TBRG1: variants seen among roughly 807,000 people sequenced by gnomAD.
TBRG1 encodes nuclear interactor of ARF and MDM2.
TBRG1 carries 31 observed loss-of-function variants against 44.0 expected under a neutral mutation model. The observed-to-expected ratio is 0.70, with a 90% CI of 0.53 to 0.95. The LOEUF (loss-of-function observed/expected upper bound fraction) is 0.95, where lower values mean the gene tolerates loss of function less well. TBRG1 is among the 40% of genes least tolerant of loss of function. The pLI is 0.00. For missense variants in TBRG1, 487 were observed against 496.1 expected, an observed-to-expected ratio of 0.98 and a Z score of 0.18; for synonymous variants, 171 against 188.1, an observed-to-expected ratio of 0.91 and a Z score of 0.74.
Position 124,626,973 on chromosome 11 carries a change from A to G in TBRG1, c.661A>G (p.Ile221Val), listed in dbSNP as rs1942490874. The G allele has an allele frequency of 6.3e-7, 1 of 1,593,652 alleles. No individual in the cohort carries two copies. The highest frequency in any genetic ancestry group is 8.6e-7 in the Non-Finnish European group (1 of 1,168,828). Residue 221 changes from isoleucine to valine, a missense_variant, in exon 5 of 9, where the codon ATA becomes GTA. Physicochemically the swap from Ile to Val is conservative, Grantham distance 29. Coordinates refer to ENST00000441174, the MANE Select transcript of TBRG1 (RefSeq NM_032811.3). ...CCCCGTGGGCTATTGCAGTACTCGA[A>G]TATATGCCAGCATGAAGTGCCCAGA... ...IYPVGYCSTR[I>V]YASMKCPDQK...
Position 124,630,968 on chromosome 11 carries a change from C to T in TBRG1, c.947+113C>T, listed in dbSNP as rs770614647. 77 of 826,132 alleles carry T rather than the reference C, an allele frequency of 9.3e-5. 1 individual carries two copies. Among genetic ancestry groups the T allele is most frequent in the Non-Finnish European group, 2.0e-6 (1 of 506,068 alleles). The allele number at this position is 826,132 out of a possible 1,614,324, so 51.2% of individuals were successfully genotyped here. ...CTGTGTCCAAAGCCTGCCTGCTTCTCGACCAGTAGGGCTCAGTATTGGCCC... is the reference window on the plus strand; with the variant it reads ...CTGTGTCCAAAGCCTGCCTGCTTCTTGACCAGTAGGGCTCAGTATTGGCCC... On this transcript the variant is annotated intron_variant, in intron 7 of 8. Transcript: ENST00000441174.
rs749876670 is a variant in TBRG1, at chr11:124,630,372, C to T, written c.739-16C>T. 1.4e-5 allele frequency: 22 copies of T among 1,551,450 alleles called. No individual in the cohort carries two copies. In the East Asian group the frequency reaches 2.5e-4, roughly 17 times the overall value. ...CTTCTTGAGGATTGATCTCATTGCT[C>T]GTTTGTCTTTCTCAGTTTGAAATTG... On this transcript the variant is annotated splice_polypyrimidine_tract_variant and intron_variant, in intron 5 of 8. Coordinates refer to ENST00000441174, the MANE Select transcript of TBRG1 (RefSeq NM_032811.3).
At chr11:124,630,606 T>C (rs1170725137) in intron 6 of TBRG1, 121 bp downstream of exon 6, 1 of 1,024,964 alleles carries the variant, frequency 9.8e-7, no homozygotes, top group Non-Finnish European at 1.5e-6. Context: ...TGGATCCTCC[T>C]GACATTGTGC....
At chr11:124,626,711 C>A (rs1295004875) in intron 4 of TBRG1, 102 bp downstream of exon 4, 4 of 1,444,322 alleles carry the variant, frequency 2.8e-6, no homozygotes. Flanking sequence ...TCTTGCTGAT[C>A]CATACCAACC....
chr11:124,627,153 C>A, intron 5 of TBRG1, 103 bp downstream of exon 5: 2 of 843,468 alleles, frequency 2.4e-6, no homozygotes, highest in Non-Finnish European at 3.8e-6. Context: ...TGTATAATCA[C>A]CATTTGGGTA....
At position 124,624,944 on chromosome 11, in the gene TBRG1, TTTGTGA is replaced by T; in HGVS notation, c.166_171del (p.Cys56_Asp57del). On this transcript the variant is annotated inframe_deletion, in exon 2 of 9. Coordinates refer to ENST00000441174, the MANE Select transcript of TBRG1 (RefSeq NM_032811.3). ...TTTTACTTAAAGGAAAATGCTGCTA[TTTGTGA>T]TGAAATTGCTCGTCTTGAGGAAAAA... is the stretch of plus-strand genomic sequence containing the variant. The T allele has an allele frequency of 1.3e-6, 2 of 1,543,956 alleles. No homozygotes were observed. The highest frequency in any genetic ancestry group is 1.8e-6 in the Non-Finnish European group (2 of 1,140,880).
At chr11:124,627,996 A>C (rs939848497) in intron 5 of TBRG1, among the ~76,000 whole-genome samples, 2 of 147,888 alleles carry the variant, frequency 1.4e-5, no homozygotes, top group Admixed American at 1.4e-4. Flanking sequence ...CTAACTGGAC[A>C]TTATTTTTAG....
At position 124,630,395 on chromosome 11, in the gene TBRG1, T is replaced by C. The variant is rs1294334354; in HGVS notation, c.746T>C (p.Ile249Thr). ...CTCGTTTGTCTTTCTCAGTTTGAAATTGTTCCTGAAGATGACCCCCAGAAT... is the reference window on the plus strand; with the variant it reads ...CTCGTTTGTCTTTCTCAGTTTGAAACTGTTCCTGAAGATGACCCCCAGAAT... The part of the protein sequence containing the change: ...KDGGVQPQFE[I>T]VPEDDPQNAI... The change falls in exon 6 of 9, where the codon ATT (isoleucine) becomes ACT (threonine). Residue 249 changes from isoleucine (I) to threonine (T), a missense_variant. Physicochemically the swap from Ile to Thr is moderately conservative, Grantham distance 89. Coordinates refer to ENST00000441174, the MANE Select transcript of TBRG1 (RefSeq NM_032811.3). 5 of 1,612,354 alleles carry C rather than the reference T, an allele frequency of 3.1e-6. No individual in the cohort carries two copies. The highest frequency in any genetic ancestry group is 4.2e-6 in the Non-Finnish European group (5 of 1,178,398).
rs1330968239 is a variant in TBRG1, at chr11:124,634,620, T to C, written c.*2382T>C. On this transcript the variant is annotated 3_prime_UTR_variant, in exon 9 of 9. Coordinates refer to ENST00000441174, the MANE Select transcript of TBRG1 (RefSeq NM_032811.3). ...TATGATGTTTGCATGTGATATTCAT[T>C]ACAGTATTATTTTAATAGTAGAAAA... 20 of 152,166 alleles carry C rather than the reference T, an allele frequency of 1.3e-4. No individual in the cohort carries two copies. Among genetic ancestry groups the C allele is most frequent in the Non-Finnish European group, 4.4e-5 (3 of 68,012 alleles). The allele number at this position is 152,166 out of a possible 1,614,324, so 9.4% of individuals were successfully genotyped here.
At position 124,624,891 on chromosome 11, in the gene TBRG1, T is replaced by A. The variant is rs112672740; in HGVS notation, c.151-40T>A. 6,736 of 1,333,432 alleles carry A rather than the reference T, an allele frequency of 5.1e-3. 247 individuals carry two copies. The African/African-American group carries it at 0.081, about 16-fold the overall frequency. The allele number at this position is 1,333,432 out of a possible 1,614,324, so 82.6% of individuals were successfully genotyped here. Reference sequence around the variant, plus strand: ...TCCCAGCATAATAATGTGATTTTTTTATTCATTTTATGTTATTATATTCAC... The same window carrying A: ...TCCCAGCATAATAATGTGATTTTTTAATTCATTTTATGTTATTATATTCAC... On this transcript the variant is annotated intron_variant, in intron 1 of 8. Coordinates refer to ENST00000441174, the MANE Select transcript of TBRG1 (RefSeq NM_032811.3).
At chr11:124,625,027 G>C in intron 2 of TBRG1, 26 bp downstream of exon 2, 1 of 1,484,598 alleles carries the variant, frequency 6.7e-7, no homozygotes, top group Non-Finnish European at 9.2e-7. Context: ...TTTGTGTTCA[G>C]CATCACCTTT....
chr11:124,623,189 C>G lies in TBRG1; in HGVS notation c.106C>G (p.Leu36Val). Residue 36 changes from leucine to valine, a missense_variant, in exon 1 of 9, where the codon CTG becomes GTG. Coordinates refer to ENST00000441174, the MANE Select transcript of TBRG1 (RefSeq NM_032811.3). ...PKKSQNEKYR[L>V]KYLRLRKAAK... is the part of the protein sequence containing the mutation. ...GAAGAGCCAGAATGAGAAGTACCGG[C>G]TGAAGTACCTGCGGCTGCGCAAAGC... 6.4e-7 allele frequency: 1 copy of G among 1,551,704 alleles called. No individual in the cohort carries two copies. Among genetic ancestry groups the G allele is most frequent in the Non-Finnish European group, 8.7e-7 (1 of 1,147,002 alleles).
In TBRG1 at chr11:124,626,579, A is replaced by AG; in HGVS notation, c.566dup (p.Leu190SerfsTer5). 6.4e-7 allele frequency: 1 copy of AG among 1,551,606 alleles called. No individual in the cohort carries two copies. Among genetic ancestry groups the AG allele is most frequent in the Non-Finnish European group, 8.7e-7 (1 of 1,146,894 alleles). ...GACGGCCTGTGTTCCCCATCGGACT[A>AG]GGGGGTCTAACAGTATATAGCCTGG... On this transcript the variant is annotated frameshift_variant, in exon 4 of 9. Transcript: ENST00000441174. LOFTEE classifies it high-confidence loss of function.
chr11:124,633,253 C>G lies in TBRG1; in HGVS notation c.*1015C>G, dbSNP rs1380726718. 1 of 152,208 alleles carries G rather than the reference C, an allele frequency of 6.6e-6. No homozygotes were observed. The highest frequency in any genetic ancestry group is 1.9e-4 in the East Asian group (1 of 5,198). The allele number at this position is 152,208 out of a possible 1,614,324, so 9.4% of individuals were successfully genotyped here. A position where few individuals can be genotyped will look rare whatever the true frequency, so the allele number is the denominator to read the frequency against. Reference sequence around the variant, plus strand: ...TACTCTATAACAGACTTAGTCCTGTCTTTTCATTAGCCATGTAATAATATA... The same window carrying G: ...TACTCTATAACAGACTTAGTCCTGTGTTTTCATTAGCCATGTAATAATATA... On this transcript the variant is annotated 3_prime_UTR_variant, in exon 9 of 9. Transcript: ENST00000441174.
intron 4 of TBRG1, 42 bp from the exon 5 acceptor site, chr11:124,626,862 T>C: frequency 1.3e-6 from 2 of 1,584,814 alleles, no homozygotes; most frequent in Non-Finnish European, 1.7e-6. Flanking sequence ...TTCTAAATTC[T>C]TCAGTGACCT....
intron 5 of TBRG1, among the ~76,000 whole-genome samples, chr11:124,627,580 T>A (rs1429241475): frequency 1.3e-5 from 2 of 152,126 alleles, no homozygotes; most frequent in Admixed American, 1.3e-4. Context: ...AACAAAAAAA[T>A]AGACCATTTT....
At chr11:124,626,378 T>C (rs1942469428) in intron 3 of TBRG1, 95 bp from the exon 4 acceptor site, 1 of 1,138,322 alleles carries the variant, frequency 8.8e-7, no homozygotes, top group African/African-American at 1.6e-5. Context: ...AAAACCAGGA[T>C]TGGCTTATTG....
At chr11:124,625,050 T>TTGGTGATTGATA (rs1451619733) in intron 2 of TBRG1, 49 bp downstream of exon 2, 1 of 1,303,106 alleles carries the variant, frequency 7.7e-7, no homozygotes, top group Non-Finnish European at 1.1e-6. Flanking sequence ...GGTGATTGAT[T>TTGGTGATTGATA]TGGTGATTGA....
intron 5 of TBRG1, among the ~76,000 whole-genome samples, chr11:124,629,295 C>T (rs1184981611): frequency 2.0e-5 from 3 of 151,582 alleles, no homozygotes; most frequent in African/African-American, 4.9e-5. Context: ...GCCAAGATCA[C>T]GCCACTGCAC....
Sources: gnomAD v4.1 joint callset for allele counts (sites outside exome capture counted in the v4.1 genomes callset) on GRCh38, gnomAD v4.1.1 for gene constraint, MANE v1.5 for transcripts, NCBI Gene and HGNC (gene_info 2026-07-23, HGNC 2026-07-21) for gene names.